The following DNAH5 variants were observed in gnomAD, a reference collection of about 807,000 sequenced individuals.
DNAH5 encodes the protein axonemal beta dynein heavy chain 5.
DNAH5 carries 372 observed loss-of-function variants against 518.2 expected under a neutral mutation model. The ratio of observed to expected loss-of-function variants is 0.72; its 90% CI spans 0.66 to 0.78. The LOEUF is 0.78. Ranked by LOEUF, DNAH5 falls within the 30% of genes least tolerant of loss-of-function variation. DNAH5 has a pLI of 0.00. For synonymous variants in DNAH5, 2,039 were observed against 2,025.9 expected, an observed-to-expected ratio of 1.01 and a Z score of -0.17; for missense variants, 5,523 against 5,687.0, an observed-to-expected ratio of 0.97 and a Z score of 0.93.
At chr5:13,800,418 C>T (rs1758567318) in intron 47 of DNAH5, among the ~76,000 whole-genome samples, 1 of 152,146 alleles carries the variant, frequency 6.6e-6, no homozygotes, top group African/African-American at 2.4e-5. Context: ...AGTCTGCACC[C>T]CTTTGGGGTG....
intron 59 of DNAH5, 94 bp from the exon 60 acceptor site, chr5:13,762,995 A>G: frequency 9.4e-7 from 1 of 1,059,742 alleles, no homozygotes; most frequent in Non-Finnish European, 1.4e-6. Context: ...CTACTGAACG[A>G]CCACAAATGA....
chr5:13,796,474 C>A (rs552638273), intron 47 of DNAH5, among the ~76,000 whole-genome samples: 1 of 152,044 alleles, frequency 6.6e-6, no homozygotes, highest in Admixed American at 6.5e-5. Flanking sequence ...AATAAAATAC[C>A]TAGGAATCCA....
At chr5:13,784,181 T>C (rs1251657954) in intron 52 of DNAH5, among the ~76,000 whole-genome samples, 5 of 152,150 alleles carry the variant, frequency 3.3e-5, no homozygotes, top group Non-Finnish European at 1.5e-5. Context: ...AAATCCCAGG[T>C]CATTCAGATT....
intron 74 of DNAH5, among the ~76,000 whole-genome samples, chr5:13,715,243 A>G (rs1744137859): frequency 6.6e-6 from 1 of 152,184 alleles, no homozygotes; most frequent in Non-Finnish European, 1.5e-5. Context: ...TTTGACACAT[A>G]TTTCTATGTA....
chr5:13,907,860 AATT>A (rs1775520239), intron 12 of DNAH5, among the ~76,000 whole-genome samples: 1 of 152,260 alleles, frequency 6.6e-6, no homozygotes, highest in African/African-American at 2.4e-5. Flanking sequence ...CAGAAGTTTT[AATT>A]AAGTCTTTGC....
chr5:13,693,988 T>A (rs565311672), intron 78 of DNAH5, among the ~76,000 whole-genome samples: 13 of 152,366 alleles, frequency 8.5e-5, no homozygotes, highest in Middle Eastern at 3.4e-3. Flanking sequence ...TAACGCTAAC[T>A]ATACTCACTG....
At position 13,931,196 on chromosome 5, in the gene DNAH5, T is replaced by TCGCATCCAAAAGAGCC. The variant is rs1778379197; in HGVS notation, c.90_105dup (p.Arg36GlyfsTer8). 3 of 1,614,036 alleles carry TCGCATCCAAAAGAGCC rather than the reference T, an allele frequency of 1.9e-6. No homozygotes were observed. The highest frequency in any genetic ancestry group is 1.7e-6 in the Non-Finnish European group (2 of 1,179,978). ...ACAATTGCAAATAAGTAGTTATGCC[T>TCGCATCCAAAAGAGCC]CGCATCCAAAAGAGCCCGCTTGGCT... is the stretch of plus-strand genomic sequence containing the variant. On this transcript the variant is annotated frameshift_variant, in exon 2 of 79. Transcript: ENST00000265104. LOFTEE classifies it high-confidence loss of function.
At chr5:13,936,311 G>C (rs753788196) in intron 1 of DNAH5, among the ~76,000 whole-genome samples, 1 of 152,066 alleles carries the variant, frequency 6.6e-6, no homozygotes, top group East Asian at 1.9e-4. Flanking sequence ...GACTTCAAAC[G>C]TTTACACAAT....
chr5:13,905,469 G>C lies in DNAH5; in HGVS notation c.1645-3331C>G, dbSNP rs985974725. Reference sequence around the variant, plus strand: ...CTTGGACTTCTCAGTCTCCAGAACTGTAAGAAATAAATTTCTTTTTTTTAT... The same window carrying C: ...CTTGGACTTCTCAGTCTCCAGAACTCTAAGAAATAAATTTCTTTTTTTTAT... On this transcript the variant is annotated intron_variant, in intron 12 of 78. Transcript: ENST00000265104. Among the ~76,000 whole-genome samples the C allele has an allele frequency of 1.4e-4, 21 of 152,168 alleles. 1 individual carries two copies. The highest frequency in any genetic ancestry group is 3.3e-4 in the Admixed American group (5 of 15,278).
Position 13,735,923 on chromosome 5 carries a change from C to T in DNAH5, c.11465G>A (p.Arg3822Gln), listed in dbSNP as rs779624238. 1.2e-5 allele frequency: 20 copies of T among 1,613,648 alleles called. No individual in the cohort carries two copies. Among genetic ancestry groups the T allele is most frequent in the East Asian group, 2.2e-5 (1 of 44,878 alleles). ...AREEYRPVAT[R>Q]GSILYFLITE... Reference sequence around the variant, plus strand: ...AATGAGGAAGTAGAGGATGCTGCCCCGCGTAGCCACTGGAAGACAAAGAGC... The same window carrying T: ...AATGAGGAAGTAGAGGATGCTGCCCTGCGTAGCCACTGGAAGACAAAGAGC... Residue 3822 changes from arginine (R) to glutamine (Q), a missense_variant, in exon 67 of 79, where the codon CGG becomes CAG. Around this residue, in one of 3 missense-constraint regions of DNAH5, gnomAD observed 5,121 missense variants for 5,223.3 expected, o/e 0.98. Transcript: ENST00000265104.
At chr5:13,727,705 T>A in intron 69 of DNAH5, 49 bp from the exon 70 acceptor site, 3 of 1,603,810 alleles carry the variant, frequency 1.9e-6, no homozygotes, top group African/African-American at 2.7e-5. Flanking sequence ...CAACAATCTT[T>A]CAGTAACAGG....
intron 68 of DNAH5, among the ~76,000 whole-genome samples, chr5:13,730,996 G>T (rs929650794): frequency 1.4e-4 from 22 of 152,084 alleles, no homozygotes; most frequent in African/African-American, 5.3e-4. Flanking sequence ...GAGCCACCGC[G>T]CCCGGCCTAC....
At chr5:13,721,722 A>G (rs1425515608) in intron 70 of DNAH5, among the ~76,000 whole-genome samples, 2 of 152,220 alleles carry the variant, frequency 1.3e-5, no homozygotes, top group Admixed American at 1.3e-4. Flanking sequence ...TAGTTTTTAA[A>G]GATTTAATCC....
In DNAH5 at chr5:13,790,809, C is replaced by A. The variant is rs139018475; in HGVS notation, c.8448+1185G>T. On this transcript the variant is annotated intron_variant, in intron 50 of 78. Coordinates refer to ENST00000265104, the MANE Select transcript of DNAH5 (RefSeq NM_001369.3). The stretch of plus-strand genomic sequence containing the variant: ...TACCCAGTCTCCAGCAGTTTTTATA[C>A]CAGTATGAAAACGGACTAATACACC... Among the ~76,000 whole-genome samples, 3 of 152,206 alleles carry A rather than the reference C, an allele frequency of 2.0e-5. No homozygotes were observed. In the East Asian group the frequency reaches 5.8e-4, roughly 29 times the overall value.
chr5:13,959,964 AT>A (rs1212436355), intron 1 of DNAH5, among the ~76,000 whole-genome samples: 1 of 152,078 alleles, frequency 6.6e-6, no homozygotes, highest in Admixed American at 6.6e-5. Flanking sequence ...GCTAAACTCC[AT>A]CTCAAAAAAA....
In DNAH5 at chr5:13,811,829, A is replaced by G. The variant is rs1554059732; in HGVS notation, c.7231-6T>C. 1 of 1,614,074 alleles carries G rather than the reference A, an allele frequency of 6.2e-7. No individual in the cohort carries two copies. Among genetic ancestry groups the G allele is most frequent in the Admixed American group, 1.7e-5 (1 of 60,022 alleles). On this transcript the variant is annotated splice_polypyrimidine_tract_variant and splice_region_variant and intron_variant, in intron 43 of 78. Transcript: ENST00000265104. ...GAGCGTTTCTTAAGAAAACCCTGTC[A>G]GTTCACAGACAAGTGTATTCATGAA...
chr5:13,966,758 T>G (rs1781555504), intron 1 of DNAH5, among the ~76,000 whole-genome samples: 1 of 152,246 alleles, frequency 6.6e-6, no homozygotes, highest in African/African-American at 2.4e-5. Flanking sequence ...TTCTGGATAT[T>G]AGTCCTTTGT....
Position 13,815,890 on chromosome 5 carries a change from T to A in DNAH5, c.6989-1044A>T, listed in dbSNP as rs1318437567. On this transcript the variant is annotated intron_variant, in intron 42 of 78. Transcript: ENST00000265104. ...TGGGATTTAAAGCTGTGGGACTGGG[T>A]AAGTTTCTTCTAGATAAGTGTGGAG... Among the ~76,000 whole-genome samples, 4 of 152,108 alleles carry A rather than the reference T, an allele frequency of 2.6e-5. No homozygotes were observed. The South Asian group carries it at 6.2e-4, about 24-fold the overall frequency.
In DNAH5 at chr5:13,824,290, C is replaced by T. The variant is rs754119187; in HGVS notation, c.6488G>A (p.Arg2163Gln). The change falls in exon 39 of 79, where the codon CGG (arginine) becomes CAG (glutamine). Residue 2163 changes from arginine (R) to glutamine (Q), a missense_variant. Arg to Gln is a conservative substitution (Grantham distance 43). This residue lies in a region of DNAH5 where 5,121 missense variants were observed against 5,223.3 expected (regional missense o/e 0.98). Transcript: ENST00000265104. ...GGCTCTTTTTGCTGCTCCCAAGGTC[C>T]GAAGAACTGACAGAATGTTACGCAG... Reference protein sequence around the residue: ...FGLRNILSVLRTLGAAKRANP... With the variant: ...FGLRNILSVLQTLGAAKRANP... 1.4e-5 allele frequency: 22 copies of T among 1,613,882 alleles called. No individual in the cohort carries two copies. Among genetic ancestry groups the T allele is most frequent in the Admixed American group, 1.7e-5 (1 of 60,006 alleles).
Sources: gnomAD v4.1 joint callset for allele counts (sites outside exome capture counted in the v4.1 genomes callset) on GRCh38, gnomAD v4.1.1 for gene constraint, gnomAD v4.1.1 regional missense constraint, MANE v1.5 for transcripts, NCBI Gene and HGNC (gene_info 2026-07-23, HGNC 2026-07-21) for gene names.